Variants in EYA2 observed in about 807,000 individuals in gnomAD.
EYA2 encodes protein phosphatase EYA2.
Under a neutral mutation model 69.2 loss-of-function variants are expected in EYA2, and 31 were observed. The ratio of observed to expected loss-of-function variants is 0.45; its 90% CI spans 0.34 to 0.60. EYA2 has a LOEUF of 0.60. Among genes scored for constraint, EYA2 ranks in the 20% least tolerant of loss-of-function variants. The pLI is 0.02. For synonymous variants in EYA2, 257 were observed against 279.4 expected, an observed-to-expected ratio of 0.92 and a Z score of 0.80; for missense variants, 622 against 701.2, an observed-to-expected ratio of 0.89 and a Z score of 1.28.
At chr20:46,993,658 A>G (rs1274125068) in intron 2 of EYA2, among the ~76,000 whole-genome samples, 2 of 152,258 alleles carry the variant, frequency 1.3e-5, no homozygotes, top group African/African-American at 4.8e-5. Flanking sequence ...TAGGGTGCTG[A>G]CAAAGCAAAA....
At chr20:47,132,782 A>C (rs1192834412) in intron 9 of EYA2, among the ~76,000 whole-genome samples, 1 of 152,182 alleles carries the variant, frequency 6.6e-6, no homozygotes, top group Non-Finnish European at 1.5e-5. Context: ...TGTATAAGGG[A>C]GAGGTTACTC....
At chr20:47,052,046 A>G (rs2146436295) in intron 5 of EYA2, among the ~76,000 whole-genome samples, 1 of 151,728 alleles carries the variant, frequency 6.6e-6, no homozygotes, top group African/African-American at 2.4e-5. Flanking sequence ...CAAAACAGAT[A>G]CTCCTTTTTT....
chr20:46,925,214 A>G (rs1289748415), intron 1 of EYA2, among the ~76,000 whole-genome samples: 2 of 152,210 alleles, frequency 1.3e-5, no homozygotes, highest in Non-Finnish European at 2.9e-5. Flanking sequence ...CAATGACCCT[A>G]TTTCCAAATA....
intron 9 of EYA2, among the ~76,000 whole-genome samples, chr20:47,129,032 G>A (rs747668223): frequency 6.6e-6 from 1 of 152,164 alleles, no homozygotes; most frequent in African/African-American, 2.4e-5. Flanking sequence ...GCTGAGGCAG[G>A]AGAATCACCT....
At chr20:46,927,314 G>T (rs6066120) in intron 1 of EYA2, among the ~76,000 whole-genome samples, 2 of 152,204 alleles carry the variant, frequency 1.3e-5, no homozygotes, top group Non-Finnish European at 2.9e-5. Context: ...TGACATATGA[G>T]CCCCGCCGGG....
chr20:47,054,926 C>T lies in EYA2; in HGVS notation c.416-17259C>T, dbSNP rs148663008. On this transcript the variant is annotated intron_variant, in intron 5 of 15. Transcript: ENST00000327619. Reference sequence around the variant, plus strand: ...TACGGGCTCCAGAAATAGATGGATCCGGAGCTCAAACATGTCAGCCAGATT... The same window carrying T: ...TACGGGCTCCAGAAATAGATGGATCTGGAGCTCAAACATGTCAGCCAGATT... Among the ~76,000 whole-genome samples the T allele has an allele frequency of 4.3e-3, 648 of 152,280 alleles. 2 individuals are homozygous for T. Among genetic ancestry groups the T allele is most frequent in the African/African-American group, 0.014 (580 of 41,548 alleles).
At chr20:46,976,483 T>G (rs1228649333) in intron 1 of EYA2, among the ~76,000 whole-genome samples, 1 of 152,182 alleles carries the variant, frequency 6.6e-6, no homozygotes, top group East Asian at 1.9e-4. Flanking sequence ...CCTCCCGGGT[T>G]CACGCCATTC....
At chr20:47,182,445 A>G (rs1255988269) in intron 14 of EYA2, among the ~76,000 whole-genome samples, 1 of 150,462 alleles carries the variant, frequency 6.6e-6, no homozygotes, top group African/African-American at 2.4e-5. Flanking sequence ...CCTGACCGAC[A>G]TAGTGAAAAC....
intron 12 of EYA2, among the ~76,000 whole-genome samples, chr20:47,174,370 A>C (rs2034388011): frequency 6.6e-6 from 1 of 152,234 alleles, no homozygotes; most frequent in Non-Finnish European, 1.5e-5. Context: ...GAAATGGAGA[A>C]TACAAATACT....
chr20:46,961,261 G>A (rs112549679), intron 1 of EYA2, among the ~76,000 whole-genome samples: 2 of 152,286 alleles, frequency 1.3e-5, no homozygotes, highest in African/African-American at 4.8e-5. Flanking sequence ...AGGAGACGGA[G>A]GTTACAGTGA....
Position 46,928,715 on chromosome 20 carries a change from C to T in EYA2, c.-11+33728C>T, listed in dbSNP as rs141472216. ...CAGTGCCGGTGTGCAAAATCACCAACGCTTGGATTGTCGATGTAACATTTG... is the reference window on the plus strand; with the variant it reads ...CAGTGCCGGTGTGCAAAATCACCAATGCTTGGATTGTCGATGTAACATTTG... On this transcript the variant is annotated intron_variant, in intron 1 of 15. Coordinates refer to ENST00000327619, the MANE Select transcript of EYA2 (RefSeq NM_005244.5). 1.2e-4 allele frequency among the ~76,000 whole-genome samples: 18 copies of T among 152,342 alleles called. No individual in the cohort carries two copies. The East Asian group carries it at 2.5e-3, about 21-fold the overall frequency.
chr20:46,989,413 AC>A (rs1207684807), intron 1 of EYA2, among the ~76,000 whole-genome samples: 4 of 151,984 alleles, frequency 2.6e-5, no homozygotes, highest in African/African-American at 9.7e-5. Context: ...CTACAGGCAT[AC>A]GCCACCACGC....
At chr20:47,136,966 ATCCGTAC>A (rs1265035941) in intron 9 of EYA2, among the ~76,000 whole-genome samples, 1 of 152,042 alleles carries the variant, frequency 6.6e-6, no homozygotes, top group Non-Finnish European at 1.5e-5. Context: ...TCTTTGTCTG[ATCCGTAC>A]CTTCGCCTCA....
chr20:47,145,481 G>A (rs1052798385), intron 10 of EYA2, among the ~76,000 whole-genome samples: 2 of 152,212 alleles, frequency 1.3e-5, no homozygotes. Flanking sequence ...TACAGCAATC[G>A]AAGCTCATTC....
At chr20:46,962,912 G>A (rs734599) in intron 1 of EYA2, among the ~76,000 whole-genome samples, 145,443 of 152,344 alleles carry the variant, frequency 0.95, 69,818 homozygotes, top group Middle Eastern at 0.99. Flanking sequence ...GCCTGCCTGC[G>A]TGGCAAGTCC....
intron 9 of EYA2, among the ~76,000 whole-genome samples, chr20:47,108,606 C>T (rs189220585): frequency 6.3e-4 from 96 of 152,124 alleles, no homozygotes; most frequent in Admixed American, 2.1e-3. Context: ...GGGTCTTGCT[C>T]TGTCACCCAG....
intron 9 of EYA2, among the ~76,000 whole-genome samples, chr20:47,119,469 C>T (rs1188664492): frequency 6.6e-6 from 1 of 152,170 alleles, no homozygotes; most frequent in Non-Finnish European, 1.5e-5. Flanking sequence ...ATAGGATAGT[C>T]ATACTCGTGG....
rs549156328 is a variant in EYA2, at chr20:46,995,148, G to A, written c.109+5029G>A. Among the ~76,000 whole-genome samples the A allele has an allele frequency of 2.0e-4, 30 of 151,060 alleles. No homozygotes were observed. The East Asian group carries it at 4.4e-3, about 22-fold the overall frequency. ...ACTCCCGACCTCAGGTGATGCACTCGCCTAAGCCTCCCAAAGTGCTGGGAT... is the reference window on the plus strand; with the variant it reads ...ACTCCCGACCTCAGGTGATGCACTCACCTAAGCCTCCCAAAGTGCTGGGAT... On this transcript the variant is annotated intron_variant, in intron 2 of 15. Coordinates refer to ENST00000327619, the MANE Select transcript of EYA2 (RefSeq NM_005244.5).
intron 10 of EYA2, among the ~76,000 whole-genome samples, chr20:47,166,458 A>G (rs1444825428): frequency 6.7e-6 from 1 of 149,542 alleles, no homozygotes; most frequent in Non-Finnish European, 1.5e-5. Flanking sequence ...ATTGTCTAAA[A>G]AGAGATCTGT....
Sources: allele counts gnomAD v4.1 joint callset (sites outside exome capture counted in the v4.1 genomes callset), GRCh38; gene constraint gnomAD v4.1.1; transcripts MANE v1.5; gene names NCBI Gene and HGNC (gene_info 2026-07-23, HGNC 2026-07-21).